ACTN2: variants seen among roughly 807,000 people sequenced by gnomAD.
ACTN2 encodes the protein alpha-actinin-2.
ACTN2 carries 39 observed loss-of-function variants against 113.8 expected under a neutral mutation model. The observed-to-expected ratio is 0.34, with a 90% confidence interval of 0.27 to 0.45. ACTN2 has a LOEUF of 0.45. ACTN2 is among the 20% of genes least tolerant of loss of function. The pLI, the probability that ACTN2 is intolerant of heterozygous loss-of-function variation, is 1.00. For missense variants in ACTN2, 992 were observed against 1,177.9 expected (o/e 0.84, Z 2.31); for synonymous variants, 429 against 444.1 (o/e 0.97, Z 0.43).
At chr1:236,704,964 T>C (rs1447766284) in intron 1 of ACTN2, among the ~76,000 whole-genome samples, 1 of 152,234 alleles carries the variant, frequency 6.6e-6, no homozygotes, top group Admixed American at 6.5e-5. Context: ...CCCAGGTTTG[T>C]GGCAGGACTC....
In ACTN2 at chr1:236,689,020, C is replaced by T. The variant is rs115477520; in HGVS notation, c.126+2221C>T. 1.0e-3 allele frequency among the ~76,000 whole-genome samples: 154 copies of T among 152,146 alleles called. 2 individuals carry two copies. Among genetic ancestry groups the T allele is most frequent in the Non-Finnish European group, 2.0e-3 (134 of 68,014 alleles). ...AGAGAGTCTCATGGGCTATGGTAAT[C>T]CTTGCTCTGTGGTGTGGAAGGAAAG... is the stretch of plus-strand genomic sequence containing the variant. On this transcript the variant is annotated intron_variant, in intron 1 of 20. Transcript: ENST00000366578.
intron 9 of ACTN2, among the ~76,000 whole-genome samples, chr1:236,738,289 G>A (rs369113135): frequency 1.0e-4 from 16 of 152,388 alleles, no homozygotes; most frequent in African/African-American, 2.4e-4. Context: ...GATTATTGGC[G>A]TGAGCCACCG....
At chr1:236,721,015 G>GGGTTTTTTTTTTTTT in intron 4 of ACTN2, among the ~76,000 whole-genome samples, 7 of 49,176 alleles carry the variant, frequency 1.4e-4, no homozygotes, top group Admixed American at 3.4e-4. Context: ...TCTGGTTTTT[G>GGGTTTTTTTTTTTTT]TTTTTTGTTT....
intron 7 of ACTN2, among the ~76,000 whole-genome samples, chr1:236,732,504 G>A (rs922801363): frequency 1.3e-5 from 2 of 151,452 alleles, no homozygotes; most frequent in African/African-American, 2.4e-5. Context: ...GTGCAGTGGT[G>A]GGATCTGGGC....
chr1:236,745,080 C>T (rs1404079825), intron 12 of ACTN2, among the ~76,000 whole-genome samples: 1 of 152,118 alleles, frequency 6.6e-6, no homozygotes, highest in Non-Finnish European at 1.5e-5. Context: ...GCGGCCTCAC[C>T]CAGGCCAGGT....
At chr1:236,735,545 T>A (rs1300368179) in intron 7 of ACTN2, 90 bp from the exon 8 acceptor site, 2 of 1,202,638 alleles carry the variant, frequency 1.7e-6, no homozygotes, top group Non-Finnish European at 2.5e-6. Flanking sequence ...AATTTGTTCT[T>A]CCCTCTGTTC....
At chr1:236,735,302 G>A (rs1016473917) in intron 7 of ACTN2, among the ~76,000 whole-genome samples, 2 of 152,146 alleles carry the variant, frequency 1.3e-5, no homozygotes, top group Non-Finnish European at 2.9e-5. Flanking sequence ...CCGGAGTCAC[G>A]AGGAAGGGGT....
intron 5 of ACTN2, 137 bp from the exon 6 acceptor site, chr1:236,727,541 G>C (rs1319415694): frequency 7.3e-6 from 6 of 816,938 alleles, no homozygotes; most frequent in Non-Finnish European, 1.2e-5. Context: ...CACCGGGCGG[G>C]GTAAAGAGGA....
chr1:236,757,392 C>T, intron 17 of ACTN2, 94 bp from the exon 18 acceptor site: 1 of 1,492,042 alleles, frequency 6.7e-7, no homozygotes, highest in South Asian at 1.1e-5. Context: ...GCTTAGTAAG[C>T]CCTTTGAGTC....
intron 1 of ACTN2, among the ~76,000 whole-genome samples, chr1:236,691,810 C>G (rs1572091114): frequency 6.6e-6 from 1 of 152,142 alleles, no homozygotes; most frequent in Non-Finnish European, 1.5e-5. Flanking sequence ...GGACTCAGGT[C>G]TCCCAAAGCC....
At position 236,723,441 on chromosome 1, in the gene ACTN2, T is replaced by G. The variant is rs1467067450; in HGVS notation, c.449-2492T>G. Among the ~76,000 whole-genome samples the G allele has an allele frequency of 3.3e-5, 5 of 152,256 alleles. No homozygotes were observed. The East Asian group carries it at 9.6e-4, about 29-fold the overall frequency. On this transcript the variant is annotated intron_variant, in intron 4 of 20. Transcript: ENST00000366578. The stretch of plus-strand genomic sequence containing the variant: ...GGGTCCAAGAAAGTATGAACTAAAA[T>G]GGACAGTTTTTTGTTTTGTGTTGTT...
intron 9 of ACTN2, 89 bp downstream of exon 9, chr1:236,737,303 A>T (rs896268457): frequency 7.1e-6 from 2 of 282,120 alleles, no homozygotes; most frequent in African/African-American, 4.4e-5. Flanking sequence ...GGGGGCATAT[A>T]TATATATATA....
At chr1:236,715,107 G>C (rs1447038959) in intron 1 of ACTN2, among the ~76,000 whole-genome samples, 1 of 152,032 alleles carries the variant, frequency 6.6e-6, no homozygotes, top group Non-Finnish European at 1.5e-5. Flanking sequence ...AAAGGTGAGA[G>C]GATGGATTTT....
Position 236,749,202 on chromosome 1 carries a change from A to T in ACTN2, c.1594A>T (p.Met532Leu), listed in dbSNP as rs200969588. 14 of 1,614,028 alleles carry T rather than the reference A, an allele frequency of 8.7e-6. No individual in the cohort carries two copies. ...AKRAAPFNNW[M>L]EGAMEDLQDM... ...GAGGGCTGCTCCTTTCAACAATTGG[A>T]TGGAGGGCGCTATGGAGGATCTGCA... The change falls in exon 14 of 21, where the codon ATG becomes TTG. Residue 532 changes from methionine to leucine, a missense_variant. By Grantham distance (15) the Met-to-Leu change is conservative. Around this residue, in one of 3 missense-constraint regions of ACTN2, gnomAD observed 736 missense variants for 815.4 expected, o/e 0.90. Coordinates refer to ENST00000366578, the MANE Select transcript of ACTN2 (RefSeq NM_001103.4).
chr1:236,728,525 C>T (rs186073507), intron 6 of ACTN2, among the ~76,000 whole-genome samples: 16 of 152,294 alleles, frequency 1.1e-4, no homozygotes, highest in Non-Finnish European at 1.8e-4. Flanking sequence ...AATTGATTAA[C>T]TCGTCCGTCA....
chr1:236,705,851 C>T (rs987433222), intron 1 of ACTN2, among the ~76,000 whole-genome samples: 3 of 152,166 alleles, frequency 2.0e-5, no homozygotes, highest in African/African-American at 7.2e-5. Context: ...TCCTGTTATA[C>T]AGTCTCAGAG....
At chr1:236,703,676 A>G (rs1399704692) in intron 1 of ACTN2, among the ~76,000 whole-genome samples, 1 of 148,950 alleles carries the variant, frequency 6.7e-6, no homozygotes, top group Non-Finnish European at 1.5e-5. Context: ...TTTTTTTTTT[A>G]ATAATTAAAA....
chr1:236,733,427 T>C (rs1658769454), intron 7 of ACTN2, among the ~76,000 whole-genome samples: 1 of 152,226 alleles, frequency 6.6e-6, no homozygotes. Flanking sequence ...TGGGCAGATG[T>C]CCATTCTGCT....
chr1:236,736,391 T>C (rs1658877236), intron 8 of ACTN2, among the ~76,000 whole-genome samples: 1 of 152,228 alleles, frequency 6.6e-6, no homozygotes. Context: ...ATGAGGACTT[T>C]AAAGGAAAGG....
Sources: gnomAD v4.1 joint callset for allele counts (sites outside exome capture counted in the v4.1 genomes callset) on GRCh38, gnomAD v4.1.1 for gene constraint, gnomAD v4.1.1 regional missense constraint, MANE v1.5 for transcripts, NCBI Gene and HGNC (gene_info 2026-07-23, HGNC 2026-07-21) for gene names.